NDST1: variants seen among roughly 807,000 people sequenced by gnomAD.
The protein encoded by NDST1 is N-deacetylase and N-sulfotransferase 1.
A neutral mutation model predicts 92.8 loss-of-function variants in NDST1; 35 were observed. The ratio of observed to expected loss-of-function variants is 0.38; its 90% CI spans 0.29 to 0.50. The LOEUF (loss-of-function observed/expected upper bound fraction) is 0.50. Among genes scored for constraint, NDST1 ranks in the 20% least tolerant of loss-of-function variants. The pLI, the probability that NDST1 is intolerant of heterozygous loss-of-function variation, is 0.94. For synonymous variants in NDST1, 493 were observed against 500.3 expected (o/e 0.99, Z 0.19); for missense variants, 822 against 1,182.7 (o/e 0.69, Z 4.47).
intron 9 of NDST1, 142 bp downstream of exon 9, chr5:150,541,808 C>A (rs1396133118): frequency 3.9e-6 from 3 of 775,768 alleles, no homozygotes; most frequent in Non-Finnish European, 6.7e-6. Flanking sequence ...TTGGGGTGAA[C>A]ACAAATTGCC....
At position 150,535,008 on chromosome 5, in the gene NDST1, A is replaced by G. The variant is rs1754917514; in HGVS notation, c.1238A>G (p.Lys413Arg). Residue 413 changes from lysine to arginine, a missense_variant, in exon 5 of 15, where the codon AAG (lysine) becomes AGG (arginine). Physicochemically the swap from Lys to Arg is conservative, Grantham distance 26. Transcript: ENST00000261797. ...SVLAEQMALN[K>R]KFAVEHGIPT... ...TTGGCCGAGCAGATGGCCTTGAACA[A>G]GAAGTTCGCTGTCGTGAGTAAGATT... 6.2e-7 allele frequency: 1 copy of G among 1,614,126 alleles called. No individual in the cohort carries two copies. Among genetic ancestry groups the G allele is most frequent in the East Asian group, 2.2e-5 (1 of 44,890 alleles).
intron 2 of NDST1, 21 bp from the exon 3 acceptor site, chr5:150,527,783 C>A (rs1754540419): frequency 6.2e-7 from 1 of 1,612,430 alleles, no homozygotes; most frequent in Non-Finnish European, 8.5e-7. Context: ...TGTTCCCCTT[C>A]CTGCCCTCCA....
chr5:150,500,398 CT>C (rs1753178496), intron 1 of NDST1, among the ~76,000 whole-genome samples: 1 of 152,222 alleles, frequency 6.6e-6, no homozygotes, highest in African/African-American at 2.4e-5. Flanking sequence ...AACCATGCCC[CT>C]TTCTCTCTCT....
rs1324316458 is a variant in NDST1 at position 150,521,716 on chromosome 5, G to A, written c.462G>A (p.Leu154=). 6.2e-7 allele frequency: 1 copy of A among 1,614,018 alleles called. No homozygotes were observed. The highest frequency in any genetic ancestry group is 1.1e-5 in the South Asian group (1 of 91,084). Residue 154 remains leucine (L), a synonymous_variant, in exon 2 of 15, where the codon CTG becomes CTA. Coordinates refer to ENST00000261797, the MANE Select transcript of NDST1 (RefSeq NM_001543.5). This position sits in a 1 kb window ranked among gnomAD's most constrained non-coding sequence, Gnocchi z 5.9. ...YVNLDAWNRE[L]LDKYCVAYGV... is the part of the protein sequence containing the mutation. Reference sequence around the variant, plus strand: ...ACCTGGACGCCTGGAACCGGGAGCTGCTGGACAAGTACTGTGTGGCCTACG... The same window carrying A: ...ACCTGGACGCCTGGAACCGGGAGCTACTGGACAAGTACTGTGTGGCCTACG...
At chr5:150,526,420 CA>C (rs1377409679) in intron 2 of NDST1, among the ~76,000 whole-genome samples, 2 of 152,288 alleles carry the variant, frequency 1.3e-5, no homozygotes, top group African/African-American at 4.8e-5. Flanking sequence ...GTGGAATGAA[CA>C]GATGAAACCT....
chr5:150,527,685 C>G (rs1231458809), intron 2 of NDST1, 119 bp from the exon 3 acceptor site: 2 of 1,451,406 alleles, frequency 1.4e-6, no homozygotes, highest in African/African-American at 1.4e-5. Flanking sequence ...GGTGGTGAGC[C>G]CTCCATGAAT....
At chr5:150,518,967 A>C (rs898310915) in intron 1 of NDST1, 2 of 151,800 alleles carry the variant, frequency 1.3e-5, no homozygotes, top group Admixed American at 1.3e-4. Context: ...AGTAGAGATG[A>C]GGTCTCACCA....
intron 2 of NDST1, among the ~76,000 whole-genome samples, chr5:150,522,554 G>T (rs945903452): frequency 6.6e-6 from 1 of 152,136 alleles, no homozygotes; most frequent in African/African-American, 2.4e-5. Context: ...TTTGGAGGTG[G>T]CAGGGAATTT....
intron 4 of NDST1, among the ~76,000 whole-genome samples, chr5:150,534,037 C>T (rs111696004): frequency 0.028 from 4,101 of 149,014 alleles, 186 homozygotes; most frequent in African/African-American, 0.095. Flanking sequence ...GAGCTATGAT[C>T]GCACAACTGT....
At chr5:150,526,002 A>G (rs1754459736) in intron 2 of NDST1, among the ~76,000 whole-genome samples, 1 of 152,076 alleles carries the variant, frequency 6.6e-6, no homozygotes, top group Non-Finnish European at 1.5e-5. Flanking sequence ...GCTCCAGCTG[A>G]CCTATCTGCC....
intron 2 of NDST1, among the ~76,000 whole-genome samples, chr5:150,525,219 C>T (rs1222757588): frequency 6.6e-6 from 1 of 152,210 alleles, no homozygotes; most frequent in East Asian, 1.9e-4. Context: ...TGCTGAGGCC[C>T]TCTATTCCCT....
chr5:150,522,297 A>G (rs1754274715), intron 2 of NDST1, among the ~76,000 whole-genome samples: 1 of 152,090 alleles, frequency 6.6e-6, no homozygotes, highest in South Asian at 2.1e-4. Flanking sequence ...CTCCTGACCC[A>G]GAGCCATTTT....
chr5:150,551,007 A>G (rs1050744454), intron 13 of NDST1: 15 of 155,526 alleles, frequency 9.6e-5, no homozygotes, highest in South Asian at 2.0e-4. Flanking sequence ...GTCATCGTCT[A>G]TACCTATCCT....
intron 1 of NDST1, among the ~76,000 whole-genome samples, chr5:150,501,250 C>T (rs1330368714): frequency 6.6e-6 from 1 of 152,230 alleles, no homozygotes; most frequent in Admixed American, 6.5e-5. Flanking sequence ...TAGCACCAGC[C>T]TCCCTCCTCT....
chr5:150,544,288 A>G (rs1377213082), intron 10 of NDST1, among the ~76,000 whole-genome samples: 2 of 152,260 alleles, frequency 1.3e-5, no homozygotes, highest in Non-Finnish European at 2.9e-5. Flanking sequence ...ATTTACACTA[A>G]GTAAGAGGAA....
At chr5:150,527,617 G>T (rs1056525396) in intron 2 of NDST1, among the ~76,000 whole-genome samples, 187 bp from the exon 3 acceptor site, 5 of 152,230 alleles carry the variant, frequency 3.3e-5, no homozygotes, top group African/African-American at 9.6e-5. Context: ...GCCTGGCTTT[G>T]GTAAGTGAGT....
chr5:150,531,171 A>G (rs532018631), intron 3 of NDST1, among the ~76,000 whole-genome samples: 33 of 152,286 alleles, frequency 2.2e-4, no homozygotes, highest in Admixed American at 6.5e-4. Flanking sequence ...GTACAGCGCA[A>G]TTTAAATAAT....
chr5:150,520,325 G>A (rs1754185815), intron 1 of NDST1, among the ~76,000 whole-genome samples: 1 of 79,414 alleles, frequency 1.3e-5, no homozygotes, highest in African/African-American at 6.7e-5. Context: ...TTCATTCTGA[G>A]TCTTCAGAAT....
chr5:150,525,955 T>C (rs1754458007), intron 2 of NDST1, among the ~76,000 whole-genome samples: 1 of 152,186 alleles, frequency 6.6e-6, no homozygotes, highest in Admixed American at 6.6e-5. Context: ...GAGGGCTTCC[T>C]GCTGCTGCTT....
Sources: allele counts gnomAD v4.1 joint callset (sites outside exome capture counted in the v4.1 genomes callset), GRCh38; gene constraint gnomAD v4.1.1; non-coding constraint Gnocchi (gnomAD v3.1); transcripts MANE v1.5; gene names NCBI Gene and HGNC (gene_info 2026-07-23, HGNC 2026-07-21).